The following SEMA3A variants were observed in gnomAD, a reference collection of about 807,000 sequenced individuals.
The protein encoded by SEMA3A is semaphorin 3A.
In SEMA3A, 29 loss-of-function variants were observed where a neutral mutation model predicts 97.9. The ratio of observed to expected loss-of-function variants is 0.30; its 90% confidence interval spans 0.22 to 0.40. SEMA3A has a LOEUF of 0.40. Among genes scored for constraint, SEMA3A ranks in the 10% least tolerant of loss-of-function variants. The pLI is 1.00. For missense variants in SEMA3A, 763 were observed against 951.3 expected, an observed-to-expected ratio of 0.80 and a Z score of 2.60; for synonymous variants, 321 against 323.7, an observed-to-expected ratio of 0.99 and a Z score of 0.09.
chr7:84,433,759 T>A (rs1002492502), intron 1 of SEMA3A, among the ~76,000 whole-genome samples: 1 of 152,202 alleles, frequency 6.6e-6, no homozygotes, highest in Non-Finnish European at 1.5e-5. Flanking sequence ...GACTTTTTAA[T>A]GATCACCATT....
intron 1 of SEMA3A, among the ~76,000 whole-genome samples, chr7:84,404,373 T>C (rs907726650): frequency 6.6e-5 from 10 of 152,114 alleles, no homozygotes; most frequent in African/African-American, 1.9e-4. Context: ...GAACAAAGCC[T>C]CCAAGAAATA....
intron 3 of SEMA3A, among the ~76,000 whole-genome samples, chr7:84,121,724 C>T (rs1695146839): frequency 2.6e-5 from 1 of 39,134 alleles, no homozygotes; most frequent in African/African-American, 1.0e-4. Flanking sequence ...CTGCAAGCTC[C>T]GCCTCCCGGG....
chr7:84,407,653 G>A (rs1804135404), intron 1 of SEMA3A, among the ~76,000 whole-genome samples: 1 of 151,586 alleles, frequency 6.6e-6, no homozygotes, highest in South Asian at 2.1e-4. Context: ...ATACTACAAG[G>A]CTACAGTAAC....
chr7:84,172,842 T>C (rs1241214514), intron 1 of SEMA3A, among the ~76,000 whole-genome samples: 1 of 152,236 alleles, frequency 6.6e-6, no homozygotes, highest in Non-Finnish European at 1.5e-5. Context: ...AGTTAATCTA[T>C]TGTTTTATTT....
At chr7:84,312,609 A>C (rs187379399) in intron 2 of SEMA3A, among the ~76,000 whole-genome samples, 1 of 151,232 alleles carries the variant, frequency 6.6e-6, no homozygotes, top group African/African-American at 2.4e-5. Context: ...TGAAACATAC[A>C]GTATTAAATA....
chr7:84,014,379 T>G, intron 6 of SEMA3A, 28 bp from the exon 7 acceptor site: 1 of 1,552,156 alleles, frequency 6.4e-7, no homozygotes, highest in Non-Finnish European at 8.8e-7. Context: ...GCGTATATAT[T>G]AATTCACAGC....
intron 1 of SEMA3A, among the ~76,000 whole-genome samples, chr7:84,402,610 G>A (rs2116215470): frequency 6.6e-6 from 1 of 152,200 alleles, no homozygotes; most frequent in Non-Finnish European, 1.5e-5. Context: ...ATCAATGGAT[G>A]TATGAAGATA....
At chr7:84,236,382 C>A (rs1343465561) in intron 3 of SEMA3A, among the ~76,000 whole-genome samples, 1 of 152,096 alleles carries the variant, frequency 6.6e-6, no homozygotes, top group African/African-American at 2.4e-5. Flanking sequence ...TCCAATATAA[C>A]CTCCTAACAG....
At chr7:84,012,601 T>C (rs1790927039) in intron 7 of SEMA3A, among the ~76,000 whole-genome samples, 1 of 152,194 alleles carries the variant, frequency 6.6e-6, no homozygotes, top group African/African-American at 2.4e-5. Flanking sequence ...CACGCTAGCA[T>C]CAAATATTTT....
At chr7:84,143,439 A>G (rs1796357652) in intron 1 of SEMA3A, among the ~76,000 whole-genome samples, 1 of 151,138 alleles carries the variant, frequency 6.6e-6, no homozygotes, top group Admixed American at 6.6e-5. Context: ...TATTTCAAGT[A>G]GGATAGAATT....
intron 6 of SEMA3A, among the ~76,000 whole-genome samples, chr7:84,045,778 C>T (rs1792323744): frequency 1.3e-5 from 2 of 151,708 alleles, no homozygotes; most frequent in South Asian, 4.2e-4. Context: ...GATAATAATC[C>T]TAACCTATAA....
intron 4 of SEMA3A, among the ~76,000 whole-genome samples, chr7:84,091,196 G>C (rs1171121084): frequency 1.4e-5 from 1 of 69,616 alleles, no homozygotes; most frequent in African/African-American, 5.0e-5. Context: ...AAGAAAGAAA[G>C]AAAGAAAGAA....
At chr7:84,042,144 G>A (rs1333962447) in intron 6 of SEMA3A, among the ~76,000 whole-genome samples, 2 of 152,092 alleles carry the variant, frequency 1.3e-5, no homozygotes, top group African/African-American at 2.4e-5. Flanking sequence ...AATCTTAAGA[G>A]AGTACGAAAT....
At chr7:84,303,347 C>T (rs1370813659) in intron 3 of SEMA3A, among the ~76,000 whole-genome samples, 2 of 151,916 alleles carry the variant, frequency 1.3e-5, no homozygotes, top group Non-Finnish European at 2.9e-5. Context: ...TATGCCCAAG[C>T]CATCTCTTTT....
chr7:84,328,400 A>G (rs75986237), intron 2 of SEMA3A, among the ~76,000 whole-genome samples: 22,270 of 152,026 alleles, frequency 0.15, 1,722 homozygotes, highest in South Asian at 0.18. Context: ...CTTGAAAGAA[A>G]GAAACAGTCA....
chr7:84,141,544 G>A (rs759268529), intron 1 of SEMA3A, among the ~76,000 whole-genome samples: 1 of 152,112 alleles, frequency 6.6e-6, no homozygotes, highest in Admixed American at 6.5e-5. Flanking sequence ...TGTGTAGCAT[G>A]TGCAGGTTTG....
chr7:84,297,762 CTG>C (rs539574100), intron 3 of SEMA3A, among the ~76,000 whole-genome samples: 101 of 152,294 alleles, frequency 6.6e-4, no homozygotes, highest in Non-Finnish European at 1.1e-3. Context: ...TTCCCAGTGA[CTG>C]TGGGTAGCAC....
intron 1 of SEMA3A, among the ~76,000 whole-genome samples, chr7:84,161,705 C>A (rs1292350272): frequency 6.6e-6 from 1 of 152,080 alleles, no homozygotes; most frequent in Non-Finnish European, 1.5e-5. Context: ...TGGTACAGAG[C>A]AGACACAGGA....
At chr7:84,174,680 A>T (rs906782080) in intron 1 of SEMA3A, among the ~76,000 whole-genome samples, 2 of 152,218 alleles carry the variant, frequency 1.3e-5, no homozygotes, top group African/African-American at 2.4e-5. Context: ...AAAAACAATG[A>T]AAGTTTTTAT....
Sources: gnomAD v4.1 joint callset for allele counts (sites outside exome capture counted in the v4.1 genomes callset) on GRCh38, gnomAD v4.1.1 for gene constraint, MANE v1.5 for transcripts, NCBI Gene and HGNC (gene_info 2026-07-23, HGNC 2026-07-21) for gene names.